Variants in SVEP1 observed in about 807,000 individuals in gnomAD.
The protein encoded by SVEP1 is sushi, von Willebrand factor type A, EGF and pentraxin domain containing 1.
A neutral mutation model predicts 367.3 loss-of-function variants in SVEP1; 164 were observed. The observed-to-expected ratio is 0.45, with a 90% CI of 0.39 to 0.51. The LOEUF (loss-of-function observed/expected upper bound fraction) is 0.51, where lower values mean the gene tolerates loss of function less well. Ranked by LOEUF, SVEP1 falls within the 20% of genes least tolerant of loss-of-function variation. The probability of loss-of-function intolerance (pLI) is 0.00; values close to 1 mark genes in which losing one functional copy is unlikely to be tolerated. For synonymous variants in SVEP1, 1,666 were observed against 1,611.6 expected (o/e 1.03, Z -0.81); for missense variants, 4,117 against 4,425.3 (o/e 0.93, Z 1.98).
chr9:110,495,923 A>G lies in SVEP1; in HGVS notation c.1800+892T>C, dbSNP rs931766608. Among the ~76,000 whole-genome samples, 6 of 152,196 alleles carry G rather than the reference A, an allele frequency of 3.9e-5. No homozygotes were observed. The East Asian group carries it at 1.2e-3, about 29-fold the overall frequency. On this transcript the variant is annotated intron_variant, in intron 8 of 47. Transcript: ENST00000374469. ...TCATTTTGGGCCCATATTTTAAAAG[A>G]TAGGTTCATAAATAGCAATTAGGAT...
At chr9:110,443,038 T>C (rs1337944519) in intron 27 of SVEP1, 1 of 152,264 alleles carries the variant, frequency 6.6e-6, no homozygotes, top group Non-Finnish European at 1.5e-5. Flanking sequence ...TAGAACAAGC[T>C]TATTGCCATG....
At position 110,407,020 on chromosome 9, in the gene SVEP1, A is replaced by C. The variant is rs1308627371; in HGVS notation, c.8580T>G (p.Asn2860Lys). Residue 2860 changes from asparagine (N) to lysine (K), a missense_variant, in exon 38 of 48, where the codon AAT becomes AAG. Asn to Lys is a moderately conservative substitution (Grantham distance 94). Transcript: ENST00000374469. Reference sequence around the variant, plus strand: ...TGGCTCCCTCAAGCAAGAACCCTTCATTGCAAGTGTATTCAATCTCTTTTT... The same window carrying C: ...TGGCTCCCTCAAGCAAGAACCCTTCCTTGCAAGTGTATTCAATCTCTTTTT... ...TFQKEIEYTC[N>K]EGFLLEGARS... 5.6e-6 allele frequency: 9 copies of C among 1,613,766 alleles called. 1 individual carries two copies. Among genetic ancestry groups the C allele is most frequent in the Non-Finnish European group, 7.6e-6 (9 of 1,179,878 alleles).
In SVEP1 at chr9:110,437,493, C is replaced by G. The variant is rs117429892; in HGVS notation, c.4640-989G>C. 9.7e-4 allele frequency among the ~76,000 whole-genome samples: 147 copies of G among 152,304 alleles called. 1 individual carries two copies. In the East Asian group the frequency reaches 0.027, roughly 28 times the overall value. On this transcript the variant is annotated intron_variant, in intron 27 of 47. Coordinates refer to ENST00000374469, the MANE Select transcript of SVEP1 (RefSeq NM_153366.4). ...TACCTGTTTCCTGCCAGGAGCCTGA[C>G]TTGATTACACTACGCTTGATTTCTA... is the stretch of plus-strand genomic sequence containing the variant.
rs1436018698 is a variant in SVEP1 at position 110,434,369 on chromosome 9, C to G, written c.5026G>C (p.Gly1676Arg). ...TGAGGAAGTGGTTGTGTCCACTGTC[C>G]TTGATTCAGACAGTACTGCACAGGG... is the stretch of plus-strand genomic sequence containing the variant. ...GNPVQYCLNQ[G>R]QWTQPLPHCE... Residue 1676 changes from glycine (G) to arginine (R), a missense_variant, in exon 30 of 48, where the codon GGA becomes CGA. Transcript: ENST00000374469. 6.2e-7 allele frequency: 1 copy of G among 1,612,524 alleles called. No homozygotes were observed. The highest frequency in any genetic ancestry group is 8.5e-7 in the Non-Finnish European group (1 of 1,179,032).
At chr9:110,520,786 T>C (rs1829866904) in intron 3 of SVEP1, among the ~76,000 whole-genome samples, 1 of 152,178 alleles carries the variant, frequency 6.6e-6, no homozygotes, top group South Asian at 2.1e-4. Context: ...TCCTGATAAA[T>C]ATTAGGAGCC....
At chr9:110,374,182 T>C (rs1827316703) in intron 46 of SVEP1, among the ~76,000 whole-genome samples, 1 of 152,162 alleles carries the variant, frequency 6.6e-6, no homozygotes, top group South Asian at 2.1e-4. Context: ...GGCTCCAGTG[T>C]CTATTGTTCC....
rs80241447 is a variant in SVEP1, at chr9:110,466,315, C to T, written c.3161-289G>A. On this transcript the variant is annotated intron_variant, in intron 17 of 47. Coordinates refer to ENST00000374469, the MANE Select transcript of SVEP1 (RefSeq NM_153366.4). ...GTCGAATGAAGTTAGAAATACATAG[C>T]ACAGAAGGACACTATGATAGGAACA... Among the ~76,000 whole-genome samples the T allele has an allele frequency of 4.1e-3, 622 of 152,212 alleles. 35 individuals carry two copies. The East Asian group carries it at 0.11, about 27-fold the overall frequency.
Position 110,471,458 on chromosome 9 carries a change from T to G in SVEP1, c.2904A>C (p.Ala968=), listed in dbSNP as rs61732942. Residue 968 remains alanine, a synonymous_variant, in exon 16 of 48, where the codon GCA becomes GCC. Transcript: ENST00000374469. ...TGCTGTCGGCTATAAGTATTTCTGA[T>G]GCAAGCTGAAAGGAATACATGGGGT... is the stretch of plus-strand genomic sequence containing the variant. ...NKDPMYSFQL[A]SEILIADSNS... The G allele has an allele frequency of 6.2e-7, 1 of 1,613,956 alleles. No homozygotes were observed. Among genetic ancestry groups the G allele is most frequent in the Middle Eastern group, 1.7e-4 (1 of 6,060 alleles).
chr9:110,513,086 C>T lies in SVEP1; in HGVS notation c.1143G>A (p.Leu381=), dbSNP rs952617870. 1.9e-6 allele frequency: 3 copies of T among 1,612,894 alleles called. No individual in the cohort carries two copies. Among genetic ancestry groups the T allele is most frequent in the Non-Finnish European group, 2.5e-6 (3 of 1,179,276 alleles). Residue 381 remains leucine, a synonymous_variant, in exon 5 of 48, where the codon CTG becomes CTA. Coordinates refer to ENST00000374469, the MANE Select transcript of SVEP1 (RefSeq NM_153366.4). ...TAAAGTAACCATTTTCGGGAGGCTT[C>T]AGGGCAGGGCAGTGGACAACTAACA... is the stretch of plus-strand genomic sequence containing the variant. The part of the protein sequence containing the change: ...QTCELVHCPA[L]KPPENGYFIQ...
chr9:110,529,589 G>A (rs931796855), intron 3 of SVEP1, among the ~76,000 whole-genome samples: 15 of 138,392 alleles, frequency 1.1e-4, no homozygotes, highest in African/African-American at 3.4e-4. Context: ...CCTTGGTTAC[G>A]TATATTCCTA....
intron 1 of SVEP1, among the ~76,000 whole-genome samples, chr9:110,573,907 C>T (rs1830595097): frequency 6.6e-6 from 1 of 152,182 alleles, no homozygotes; most frequent in African/African-American, 2.4e-5. Flanking sequence ...GTACTAATTA[C>T]AGAATTCACT....
intron 1 of SVEP1, among the ~76,000 whole-genome samples, chr9:110,552,186 C>T (rs1830296825): frequency 6.6e-6 from 1 of 151,908 alleles, no homozygotes; most frequent in Non-Finnish European, 1.5e-5. Context: ...CACATACCAC[C>T]ATGCCCAGCT....
chr9:110,441,822 T>C (rs1828513675), intron 27 of SVEP1, among the ~76,000 whole-genome samples: 1 of 152,280 alleles, frequency 6.6e-6, no homozygotes, highest in Admixed American at 6.5e-5. Context: ...TACTTCTTTC[T>C]GCTCGTGACA....
chr9:110,535,248 T>A (rs1294571906), intron 3 of SVEP1, among the ~76,000 whole-genome samples: 3 of 152,172 alleles, frequency 2.0e-5, no homozygotes, highest in Non-Finnish European at 4.4e-5. Flanking sequence ...TAGCCAGTTA[T>A]CCCAGCACAA....
chr9:110,493,340 A>C (rs1346604058), intron 8 of SVEP1, among the ~76,000 whole-genome samples: 1 of 152,138 alleles, frequency 6.6e-6, no homozygotes, highest in Non-Finnish European at 1.5e-5. Context: ...CCTTAAACAA[A>C]TGAAAGACTT....
At chr9:110,415,506 G>A (rs1031338912) in intron 36 of SVEP1, among the ~76,000 whole-genome samples, 7 of 152,018 alleles carry the variant, frequency 4.6e-5, no homozygotes, top group African/African-American at 1.7e-4. Flanking sequence ...GCAGCATCTT[G>A]AGAAGTGGAA....
chr9:110,459,197 GA>G (rs2118638451), intron 18 of SVEP1, 84 bp from the exon 19 acceptor site: 1 of 1,237,184 alleles, frequency 8.1e-7, no homozygotes, highest in South Asian at 1.4e-5. Context: ...GTGCATATAA[GA>G]AACCTACTGA....
chr9:110,400,718 T>TAGAGTATAAGGGAAC, intron 40 of SVEP1, 136 bp downstream of exon 40: 1 of 971,842 alleles, frequency 1.0e-6, no homozygotes, highest in Non-Finnish European at 1.4e-6. Flanking sequence ...TGGAAAATGT[T>TAGAGTATAAGGGAAC]AGAGTATAAG....
chr9:110,542,387 G>C (rs913522474), intron 3 of SVEP1, among the ~76,000 whole-genome samples: 4 of 152,062 alleles, frequency 2.6e-5, no homozygotes, highest in Non-Finnish European at 5.9e-5. Flanking sequence ...ATCTAAAAGG[G>C]AATGATTTCC....
Sources: gnomAD v4.1 joint callset for allele counts (sites outside exome capture counted in the v4.1 genomes callset) on GRCh38, gnomAD v4.1.1 for gene constraint, MANE v1.5 for transcripts, NCBI Gene and HGNC (gene_info 2026-07-23, HGNC 2026-07-21) for gene names.